Variants in NIPBL observed in about 807,000 individuals in gnomAD.
NIPBL encodes NIPBL cohesin loading factor, also known as nipped-B-like protein.
Under a neutral mutation model 321.8 loss-of-function variants are expected in NIPBL, and 19 were observed. The ratio of observed to expected loss-of-function variants is 0.06; its 90% confidence interval spans 0.04 to 0.09. The LOEUF (loss-of-function observed/expected upper bound fraction) is 0.09, where lower values mean the gene tolerates loss of function less well. Among genes scored for constraint, NIPBL ranks in the 10% least tolerant of loss-of-function variants. The pLI, the probability that NIPBL is intolerant of heterozygous loss-of-function variation, is 1.00. For synonymous variants in NIPBL, 1,106 were observed against 1,114.1 expected, an observed-to-expected ratio of 0.99 and a Z score of 0.14; for missense variants, 2,210 against 3,327.0, an observed-to-expected ratio of 0.66 and a Z score of 8.26.
At chr5:37,028,538 G>A (rs181277755) in intron 32 of NIPBL, among the ~76,000 whole-genome samples, 32 of 151,106 alleles carry the variant, frequency 2.1e-4, no homozygotes, top group South Asian at 8.4e-4. Context: ...ATGAAGTTTC[G>A]CCATGTTGGC....
intron 1 of NIPBL, among the ~76,000 whole-genome samples, chr5:36,951,215 G>A (rs1367453082): frequency 1.3e-5 from 2 of 152,038 alleles, no homozygotes; most frequent in African/African-American, 2.4e-5. Context: ...TCATACATGG[G>A]TAACTAAATA....
At chr5:37,015,214 C>G (rs986108397) in intron 22 of NIPBL, among the ~76,000 whole-genome samples, 2 of 152,022 alleles carry the variant, frequency 1.3e-5, no homozygotes, top group African/African-American at 4.8e-5. Context: ...ACCTCCGCCT[C>G]CCAGCTTCAA....
intron 8 of NIPBL, among the ~76,000 whole-genome samples, chr5:36,974,902 A>G (rs1308362048): frequency 6.6e-6 from 1 of 152,080 alleles, no homozygotes; most frequent in Non-Finnish European, 1.5e-5. Context: ...AGAAATGTAT[A>G]CATTATTCAG....
At chr5:36,962,996 TGTA>T (rs1741799124) in intron 6 of NIPBL, among the ~76,000 whole-genome samples, 1 of 152,256 alleles carries the variant, frequency 6.6e-6, no homozygotes, top group African/African-American at 2.4e-5. Context: ...TGTAATAATT[TGTA>T]GTAAAAATTT....
At chr5:37,041,746 G>C (rs985657116) in intron 34 of NIPBL, among the ~76,000 whole-genome samples, 28 of 151,848 alleles carry the variant, frequency 1.8e-4, no homozygotes, top group Admixed American at 1.3e-3. Flanking sequence ...TGTATTTTTA[G>C]TAGAGACAGG....
intron 1 of NIPBL, among the ~76,000 whole-genome samples, chr5:36,894,211 A>G (rs1001807729): frequency 1.3e-5 from 2 of 152,186 alleles, no homozygotes; most frequent in Admixed American, 1.3e-4. Context: ...TTAGGAAGGA[A>G]GGTATTTGAT....
Position 36,984,843 on chromosome 5 carries a change from G to A in NIPBL, c.1663G>A (p.Ala555Thr). The A allele has an allele frequency of 6.2e-7, 1 of 1,613,808 alleles. No individual in the cohort carries two copies. The highest frequency in any genetic ancestry group is 8.5e-7 in the Non-Finnish European group (1 of 1,179,876). ...LHQAGRVDSQ[A>T]SITQDSDSIK... ...TCAGGCAGGAAGAGTGGACTCTCAG[G>A]CTTCTATAACTCAGGATTCAGACTC... Residue 555 changes from alanine to threonine, a missense_variant, in exon 10 of 47, where the codon GCT becomes ACT. Coordinates refer to ENST00000282516, the MANE Select transcript of NIPBL (RefSeq NM_133433.4).
rs752294556 is a variant in NIPBL at position 36,995,795 on chromosome 5, G to A, written c.3295G>A (p.Ala1099Thr). 6.1e-5 allele frequency: 98 copies of A among 1,612,346 alleles called. No individual in the cohort carries two copies. Among genetic ancestry groups the A allele is most frequent in the Non-Finnish European group, 8.0e-5 (94 of 1,178,708 alleles). ...AGATGAAGATAATGATAGTGATGAA[G>A]CTTTTGAATGTAAGTATCACAGAAC... is the stretch of plus-strand genomic sequence containing the variant. ...SSDEDNDSDE[A>T]FESSRKRHKK... Residue 1099 changes from alanine to threonine, a missense_variant, in exon 11 of 47, where the codon GCT (alanine) becomes ACT (threonine). By Grantham distance (58) the Ala-to-Thr change is moderately conservative. Transcript: ENST00000282516.
chr5:36,919,341 C>G (rs1328175324), intron 1 of NIPBL, among the ~76,000 whole-genome samples: 4 of 151,702 alleles, frequency 2.6e-5, no homozygotes, highest in African/African-American at 9.7e-5. Flanking sequence ...AGTATGTCTC[C>G]CATTATCTTT....
At chr5:37,053,752 TTTTAA>T (rs1753806593) in intron 42 of NIPBL, among the ~76,000 whole-genome samples, 1 of 152,376 alleles carries the variant, frequency 6.6e-6, no homozygotes, top group East Asian at 1.9e-4. Context: ...AAAGTTTACC[TTTTAA>T]TTTATTTATT....
rs1753591571 is a variant in NIPBL, at chr5:37,051,877, A to G, written c.7053A>G (p.Gly2351=). 2 of 1,608,394 alleles carry G rather than the reference A, an allele frequency of 1.2e-6. No homozygotes were observed. Among genetic ancestry groups the G allele is most frequent in the Non-Finnish European group, 1.7e-6 (2 of 1,174,800 alleles). The change falls in exon 41 of 47, where the codon GGA becomes GGG. Residue 2351 remains glycine (G), a synonymous_variant. Coordinates refer to ENST00000282516, the MANE Select transcript of NIPBL (RefSeq NM_133433.4). ...QLVEIDKKYA[G]FIHMKAVAGM... Reference sequence around the variant, plus strand: ...TGGAAATAGACAAAAAATATGCTGGATTCATTCATGTATGTATTTTAACAT... The same window carrying G: ...TGGAAATAGACAAAAAATATGCTGGGTTCATTCATGTATGTATTTTAACAT...
intron 11 of NIPBL, among the ~76,000 whole-genome samples, chr5:36,997,482 T>C (rs1013933619): frequency 9.2e-5 from 14 of 152,166 alleles, no homozygotes; most frequent in African/African-American, 3.4e-4. Context: ...TCCCCTTGCT[T>C]TCTATCATGA....
Position 37,000,356 on chromosome 5 carries a change from T to C in NIPBL, c.3305-17T>C. 1 of 1,609,384 alleles carries C rather than the reference T, an allele frequency of 6.2e-7. No individual in the cohort carries two copies. Among genetic ancestry groups the C allele is most frequent in the Non-Finnish European group, 8.5e-7 (1 of 1,176,752 alleles). The stretch of plus-strand genomic sequence containing the variant: ...TTTAAATGAGGTAAATTATTTGTCA[T>C]GGGGATTTGCTTCTAGCCTCTAGGA... On this transcript the variant is annotated splice_polypyrimidine_tract_variant and intron_variant, in intron 11 of 46. Transcript: ENST00000282516.
chr5:37,006,370 A>G lies in NIPBL; in HGVS notation c.3869A>G (p.Glu1290Gly). The change falls in exon 17 of 47, where the codon GAA (glutamate) becomes GGA (glycine). Residue 1290 changes from glutamate (E) to glycine (G), a missense_variant. Physicochemically the swap from Glu to Gly is moderately conservative, Grantham distance 98 (BLOSUM62 -2). Coordinates refer to ENST00000282516, the MANE Select transcript of NIPBL (RefSeq NM_133433.4). The part of the protein sequence containing the change: ...STLLNHNNDT[E>G]EEERLWRDLI... ...ACTGTTTTACAGAATAACGATACTG[A>G]AGAAGAAGAAAGGTTATGGAGAGAC... 6.4e-7 allele frequency: 1 copy of G among 1,570,808 alleles called. No homozygotes were observed.
chr5:36,953,297 A>G (rs1194736910), intron 1 of NIPBL, among the ~76,000 whole-genome samples: 1 of 152,218 alleles, frequency 6.6e-6, no homozygotes, highest in Admixed American at 6.5e-5. Context: ...CCTAGCAGTT[A>G]AGAAACAAAC....
chr5:37,032,386 C>T (rs1430453263), intron 32 of NIPBL, among the ~76,000 whole-genome samples: 15 of 123,514 alleles, frequency 1.2e-4, no homozygotes, highest in South Asian at 3.0e-4. Flanking sequence ...TACATGTATA[C>T]GTGTGTGTGT....
chr5:37,036,798 T>C (rs115632686), intron 33 of NIPBL, among the ~76,000 whole-genome samples: 1 of 151,982 alleles, frequency 6.6e-6, no homozygotes, highest in Non-Finnish European at 1.5e-5. Context: ...CTAATATGTA[T>C]CTAGCTAATG....
chr5:36,985,629 G>T lies in NIPBL; in HGVS notation c.2449G>T (p.Asp817Tyr). ...ATCTGTTTCTGAGTCACTAAGACGT[G>T]ACCATGATAATAAACAAAAATCAGA... ...GRSVSESLRR[D>Y]HDNKQKSDDR... The change falls in exon 10 of 47, where the codon GAC (aspartate) becomes TAC (tyrosine). Residue 817 changes from aspartate to tyrosine, a missense_variant. Around this residue, in one of 14 missense-constraint regions of NIPBL, gnomAD observed 588 missense variants for 564.1 expected, o/e 1.04. Coordinates refer to ENST00000282516, the MANE Select transcript of NIPBL (RefSeq NM_133433.4). 6.2e-7 allele frequency: 1 copy of T among 1,613,878 alleles called. No homozygotes were observed. Among genetic ancestry groups the T allele is most frequent in the South Asian group, 1.1e-5 (1 of 91,060 alleles).
At chr5:36,895,366 C>T (rs567972510) in intron 1 of NIPBL, among the ~76,000 whole-genome samples, 15 of 152,172 alleles carry the variant, frequency 9.9e-5, no homozygotes, top group African/African-American at 1.4e-4. Context: ...TTTGCTTTGT[C>T]GCTTGATGGA....
Sources: allele counts gnomAD v4.1 joint callset (sites outside exome capture counted in the v4.1 genomes callset), GRCh38; gene constraint gnomAD v4.1.1; regional missense constraint gnomAD v4.1.1; transcripts MANE v1.5; gene names NCBI Gene and HGNC (gene_info 2026-07-23, HGNC 2026-07-21).